AGBL3: variants seen among roughly 807,000 people sequenced by gnomAD.
AGBL3 encodes the protein AGBL carboxypeptidase 3, also known as cytosolic carboxypeptidase 3.
AGBL3 carries 68 observed loss-of-function variants against 94.5 expected under a neutral mutation model. The ratio of observed to expected loss-of-function variants is 0.72; its 90% CI spans 0.59 to 0.88. AGBL3 has a LOEUF of 0.88. AGBL3 is among the 40% of genes least tolerant of loss of function. AGBL3 has a pLI of 0.00. For missense variants in AGBL3, 934 were observed against 1,103.8 expected, an observed-to-expected ratio of 0.85 and a Z score of 2.18; for synonymous variants, 354 against 370.7, an observed-to-expected ratio of 0.95 and a Z score of 0.52.
At chr7:135,079,633 T>TC (rs1237508424) in intron 13 of AGBL3, among the ~76,000 whole-genome samples, 1 of 64 alleles carries the variant, frequency 0.016, no homozygotes, top group Non-Finnish European at 0.029. Flanking sequence ...TCCCCACTAA[T>TC]TTTTTTTTTT....
intron 15 of AGBL3, among the ~76,000 whole-genome samples, chr7:135,108,675 G>A (rs1825143820): frequency 6.6e-6 from 1 of 152,020 alleles, no homozygotes; most frequent in African/African-American, 2.4e-5. Flanking sequence ...ATGTGTCTTG[G>A]GAATGATCTT....
intron 5 of AGBL3, among the ~76,000 whole-genome samples, chr7:135,017,808 C>T (rs957958840): frequency 6.6e-6 from 1 of 152,130 alleles, no homozygotes; most frequent in Non-Finnish European, 1.5e-5. Flanking sequence ...GCTCCCTGTA[C>T]AGTAAGCAAT....
chr7:135,071,512 T>C (rs1024392539), intron 12 of AGBL3, among the ~76,000 whole-genome samples: 3 of 152,120 alleles, frequency 2.0e-5, no homozygotes, highest in Non-Finnish European at 4.4e-5. Context: ...CTTCAAACTA[T>C]ACTACAAGGC....
intron 12 of AGBL3, among the ~76,000 whole-genome samples, chr7:135,070,787 C>T (rs1042199169): frequency 6.6e-5 from 10 of 152,030 alleles, no homozygotes; most frequent in Non-Finnish European, 1.5e-4. Flanking sequence ...TGGGCAAAAA[C>T]TGGAAGCATT....
intron 4 of AGBL3, chr7:135,010,309 GTT>G: frequency 7.9e-6 from 2 of 252,400 alleles, no homozygotes; most frequent in South Asian, 3.8e-5. Context: ...TTTTTTTGTT[GTT>G]TTTTTTTTTT....
chr7:135,007,025 T>G (rs1332506782), intron 4 of AGBL3, among the ~76,000 whole-genome samples: 1 of 151,882 alleles, frequency 6.6e-6, no homozygotes, highest in Non-Finnish European at 1.5e-5. Context: ...GTAAAGAGAT[T>G]TAATTAATAA....
chr7:135,006,208 T>A (rs1812367368), intron 4 of AGBL3, among the ~76,000 whole-genome samples: 1 of 151,356 alleles, frequency 6.6e-6, no homozygotes, highest in Non-Finnish European at 1.5e-5. Context: ...TCTCCTTTTA[T>A]TTTTTTATTT....
chr7:135,044,983 G>A lies in AGBL3; in HGVS notation c.1628-491G>A, dbSNP rs573299494. Among the ~76,000 whole-genome samples the A allele has an allele frequency of 1.7e-3, 206 of 120,348 alleles. 1 individual carries two copies. The highest frequency in any genetic ancestry group is 4.3e-3 in the Middle Eastern group (1 of 234). The allele number at this position is 120,348 out of a possible 152,430, so 79.0% of individuals were successfully genotyped here. On this transcript the variant is annotated intron_variant, in intron 9 of 16. Transcript: ENST00000436302. ...GCGGTGTTTGGTTTTTTGTTCTTGC[G>A]ATAGTTTACTGAGAATGATGATTTC... is the stretch of plus-strand genomic sequence containing the variant.
chr7:135,099,189 C>CTT (rs1823382481), intron 15 of AGBL3, among the ~76,000 whole-genome samples: 2 of 40,544 alleles, frequency 4.9e-5, no homozygotes, highest in Admixed American at 5.4e-4. Flanking sequence ...CCTAGATTGG[C>CTT]TCTAAAAATG....
intron 4 of AGBL3, among the ~76,000 whole-genome samples, chr7:134,995,908 T>C (rs961363401): frequency 6.6e-6 from 1 of 152,214 alleles, no homozygotes; most frequent in African/African-American, 2.4e-5. Flanking sequence ...AATACATCCT[T>C]GTGTAGGAAG....
chr7:134,988,707 G>A lies in AGBL3; in HGVS notation c.64-543G>A, dbSNP rs570839429. Among the ~76,000 whole-genome samples, 14 of 151,604 alleles carry A rather than the reference G, an allele frequency of 9.2e-5. No homozygotes were observed. The South Asian group carries it at 1.7e-3, about 18-fold the overall frequency. ...AGCTGGAGTGCAATGGCGCGATCTCGGCTCACTGCAACCTCTGCCTCCTGG... is the reference window on the plus strand; with the variant it reads ...AGCTGGAGTGCAATGGCGCGATCTCAGCTCACTGCAACCTCTGCCTCCTGG... On this transcript the variant is annotated intron_variant, in intron 2 of 16. Transcript: ENST00000436302.
At chr7:135,077,166 C>G (rs1343103800) in intron 13 of AGBL3, among the ~76,000 whole-genome samples, 2 of 114,764 alleles carry the variant, frequency 1.7e-5, no homozygotes, top group Non-Finnish European at 4.0e-5. Context: ...ATCAGTATGT[C>G]TTATTCTTCC....
chr7:135,000,979 C>T (rs558667248), intron 4 of AGBL3, among the ~76,000 whole-genome samples: 12 of 152,286 alleles, frequency 7.9e-5, no homozygotes, highest in African/African-American at 1.4e-4. Flanking sequence ...TAAAATCTGT[C>T]GGCTTGGACA....
intron 16 of AGBL3, among the ~76,000 whole-genome samples, chr7:135,128,241 G>C (rs1374364189): frequency 8.0e-6 from 1 of 125,566 alleles, no homozygotes; most frequent in Admixed American, 9.9e-5. Context: ...GCAGTGAGCC[G>C]AGATGGCACC....
intron 12 of AGBL3, among the ~76,000 whole-genome samples, chr7:135,067,064 A>G (rs1478825201): frequency 6.6e-6 from 1 of 152,230 alleles, no homozygotes; most frequent in African/African-American, 2.4e-5. Flanking sequence ...CAACGGTCTT[A>G]GCAAACAGCA....
intron 3 of AGBL3, among the ~76,000 whole-genome samples, chr7:134,992,575 C>T (rs1200086011): frequency 8.5e-5 from 13 of 152,154 alleles, no homozygotes; most frequent in Admixed American, 3.9e-4. Context: ...ATAGTAGATG[C>T]ATGATAAGCA....
At chr7:135,038,818 G>C (rs1011618223) in intron 8 of AGBL3, among the ~76,000 whole-genome samples, 9 of 152,164 alleles carry the variant, frequency 5.9e-5, no homozygotes, top group Non-Finnish European at 8.8e-5. Context: ...AATTAGCTGG[G>C]CTTGGTGGCA....
At chr7:135,039,314 G>T (rs1176119895) in intron 8 of AGBL3, among the ~76,000 whole-genome samples, 1 of 152,016 alleles carries the variant, frequency 6.6e-6, no homozygotes, top group Non-Finnish European at 1.5e-5. Flanking sequence ...GGCCCAAGAG[G>T]AACTCTTAAG....
At chr7:135,101,572 C>T (rs982244753) in intron 15 of AGBL3, among the ~76,000 whole-genome samples, 3 of 152,086 alleles carry the variant, frequency 2.0e-5, no homozygotes, top group African/African-American at 7.2e-5. Context: ...CACCACCCGC[C>T]AAGAAAATAA....
Sources: allele counts gnomAD v4.1 joint callset (sites outside exome capture counted in the v4.1 genomes callset), GRCh38; gene constraint gnomAD v4.1.1; transcripts MANE v1.5; gene names NCBI Gene and HGNC (gene_info 2026-07-23, HGNC 2026-07-21).